TCF12: variants seen among roughly 807,000 people sequenced by gnomAD.
TCF12 encodes DNA-binding protein HTF4.
TCF12 carries 45 observed loss-of-function variants against 86.0 expected under a neutral mutation model. The observed-to-expected ratio is 0.52, with a 90% CI of 0.41 to 0.67. The LOEUF is 0.67. Ranked by LOEUF, TCF12 falls within the 30% of genes least tolerant of loss-of-function variation. The pLI is 0.00. For synonymous variants in TCF12, 330 were observed against 299.6 expected, an observed-to-expected ratio of 1.10 and a Z score of -1.05; for missense variants, 881 against 859.9, an observed-to-expected ratio of 1.02 and a Z score of -0.31.
At chr15:57,152,651 A>C (rs572983906) in intron 5 of TCF12, among the ~76,000 whole-genome samples, 11 of 152,332 alleles carry the variant, frequency 7.2e-5, no homozygotes, top group Middle Eastern at 3.4e-3. Context: ...ATCCAAACTA[A>C]AACACAAAGA....
At chr15:57,113,006 G>A (rs115605428) in intron 5 of TCF12, among the ~76,000 whole-genome samples, 1,760 of 152,234 alleles carry the variant, frequency 0.012, 32 homozygotes, top group African/African-American at 0.04. Flanking sequence ...AGAAGTTATC[G>A]TGGATCTCCT....
At chr15:57,098,683 A>G (rs1369682061) in intron 5 of TCF12, among the ~76,000 whole-genome samples, 1 of 152,222 alleles carries the variant, frequency 6.6e-6, no homozygotes, top group Non-Finnish European at 1.5e-5. Flanking sequence ...GTGATCAGGA[A>G]AAGTTTTATT....
At position 56,921,066 on chromosome 15, in the gene TCF12, C is replaced by G; in HGVS notation, c.116C>G (p.Thr39Ser). 6.2e-7 allele frequency: 1 copy of G among 1,608,858 alleles called. No individual in the cohort carries two copies. The highest frequency in any genetic ancestry group is 8.5e-7 in the Non-Finnish European group (1 of 1,177,152). The change falls in exon 3 of 21, where the codon ACT becomes AGT. Residue 39 changes from threonine (T) to serine (S), a missense_variant. Coordinates refer to ENST00000333725, the MANE Select transcript of TCF12 (RefSeq NM_207037.2). Reference sequence around the variant, plus strand: ...GTTAATAGTGGGAAAACTAGACCAACTACACTGGGAAGCAGTCAATTCAGT... The same window carrying G: ...GTTAATAGTGGGAAAACTAGACCAAGTACACTGGGAAGCAGTCAATTCAGT... ...PPVNSGKTRPTTLGSSQFSGS... is the reference protein window; with the variant it reads ...PPVNSGKTRPSTLGSSQFSGS...
intron 5 of TCF12, among the ~76,000 whole-genome samples, chr15:57,100,577 AT>A (rs1448658444): frequency 6.6e-6 from 1 of 152,066 alleles, no homozygotes. Context: ...CTAACTTCTT[AT>A]AGTAAAGATG....
intron 8 of TCF12, among the ~76,000 whole-genome samples, chr15:57,212,090 C>T (rs2058135169): frequency 6.6e-6 from 1 of 152,050 alleles, no homozygotes; most frequent in Non-Finnish European, 1.5e-5. Context: ...CAACAAGATT[C>T]AAAATACATC....
At chr15:57,177,192 GTTGTT>G (rs1269714659) in intron 6 of TCF12, among the ~76,000 whole-genome samples, 1 of 152,078 alleles carries the variant, frequency 6.6e-6, no homozygotes, top group African/African-American at 2.4e-5. Flanking sequence ...CATTTTGTGG[GTTGTT>G]TGGAACATAG....
Position 57,179,557 on chromosome 15 carries a change from T to G in TCF12, c.391-12601T>G, listed in dbSNP as rs927687053. Among the ~76,000 whole-genome samples, 4 of 152,250 alleles carry G rather than the reference T, an allele frequency of 2.6e-5. No individual in the cohort carries two copies. In the South Asian group the frequency reaches 8.3e-4, roughly 32 times the overall value. ...AAGAAATTTTTTTTTTTTTAAAGAT[T>G]GGGCTGATTTCGTTGGCAGGATACA... On this transcript the variant is annotated intron_variant, in intron 6 of 20. Transcript: ENST00000333725.
At chr15:57,091,161 T>C (rs1194921748) in intron 4 of TCF12, among the ~76,000 whole-genome samples, 1 of 152,214 alleles carries the variant, frequency 6.6e-6, no homozygotes, top group Non-Finnish European at 1.5e-5. Context: ...TCAGTTTCTG[T>C]AGGAGTATAT....
intron 3 of TCF12, among the ~76,000 whole-genome samples, chr15:56,946,727 T>A (rs1270468039): frequency 6.6e-6 from 1 of 152,036 alleles, no homozygotes; most frequent in African/African-American, 2.4e-5. Flanking sequence ...TGGCAGGAAA[T>A]TAAGTTATTA....
chr15:57,270,376 C>T (rs529933629), intron 18 of TCF12, among the ~76,000 whole-genome samples: 3 of 152,262 alleles, frequency 2.0e-5, no homozygotes, highest in East Asian at 1.9e-4. Flanking sequence ...GTATGCTTCA[C>T]GAAGTTGTCG....
At chr15:56,931,287 C>T (rs1433297544) in intron 3 of TCF12, among the ~76,000 whole-genome samples, 1 of 152,074 alleles carries the variant, frequency 6.6e-6, no homozygotes, top group Non-Finnish European at 1.5e-5. Context: ...GAATCAAGAT[C>T]TGTTTTGAGG....
chr15:57,211,770 A>G (rs1167686326), intron 8 of TCF12, among the ~76,000 whole-genome samples: 1 of 152,220 alleles, frequency 6.6e-6, no homozygotes, highest in Non-Finnish European at 1.5e-5. Flanking sequence ...CCTGGCCAAC[A>G]TGGCGAAACC....
intron 6 of TCF12, among the ~76,000 whole-genome samples, chr15:57,184,714 C>T (rs533338587): frequency 7.4e-4 from 112 of 152,086 alleles, no homozygotes; most frequent in African/African-American, 2.5e-3. Flanking sequence ...CTGATCTTGC[C>T]ATTTAAGCAA....
At chr15:57,002,985 A>G (rs2064140025) in intron 3 of TCF12, among the ~76,000 whole-genome samples, 1 of 152,230 alleles carries the variant, frequency 6.6e-6, no homozygotes, top group African/African-American at 2.4e-5. Context: ...CATCTTTCAT[A>G]GTATGCCACT....
In TCF12 at chr15:57,262,184, C is replaced by G. The variant is rs2060620237; in HGVS notation, c.1558C>G (p.His520Asp). 1 of 1,611,748 alleles carries G rather than the reference C, an allele frequency of 6.2e-7. No homozygotes were observed. The highest frequency in any genetic ancestry group is 8.5e-7 in the Non-Finnish European group (1 of 1,178,446). The change falls in exon 17 of 21, where the codon CAT (histidine) becomes GAT (aspartate). Residue 520 changes from histidine to aspartate, a missense_variant. By Grantham distance (81) the His-to-Asp change is moderately conservative (BLOSUM62 -1). Around this residue, in one of 3 missense-constraint regions of TCF12, gnomAD observed 766 missense variants for 718.9 expected, o/e 1.07. Coordinates refer to ENST00000333725, the MANE Select transcript of TCF12 (RefSeq NM_207037.2). The part of the protein sequence containing the change: ...TVTTSSTDLN[H>D]KTQENYRGGL... ...CACTACTTCAAGCACAGACCTGAAC[C>G]ATAAAACACAAGAAAATTATAGAGG... is the stretch of plus-strand genomic sequence containing the variant.
intron 8 of TCF12, among the ~76,000 whole-genome samples, chr15:57,206,988 A>AGTAC (rs2057854974): frequency 3.3e-5 from 5 of 151,756 alleles, no homozygotes; most frequent in African/African-American, 4.8e-5. Flanking sequence ...TGCCTGTAGT[A>AGTAC]CTAGGTACTC....
chr15:57,186,445 GC>G (rs1316669311), intron 6 of TCF12, among the ~76,000 whole-genome samples: 1 of 152,152 alleles, frequency 6.6e-6, no homozygotes, highest in African/African-American at 2.4e-5. Context: ...GCTGCAGTGA[GC>G]CATCATTGAG....
At chr15:57,182,291 A>G (rs1437344744) in intron 6 of TCF12, among the ~76,000 whole-genome samples, 2 of 152,152 alleles carry the variant, frequency 1.3e-5, no homozygotes, top group Non-Finnish European at 2.9e-5. Context: ...ATGTTTGAAG[A>G]ATCAAATAAA....
chr15:56,983,407 ATAAT>A lies in TCF12; in HGVS notation c.148+62312_148+62315del, dbSNP rs1202976895. On this transcript the variant is annotated intron_variant, in intron 3 of 20. Coordinates refer to ENST00000333725, the MANE Select transcript of TCF12 (RefSeq NM_207037.2). ...TTTGCAAGAAAGCTGTAGAGGGAAA[ATAAT>A]TATATAAACCTGTTTTTTAAAATAC... 2.6e-5 allele frequency among the ~76,000 whole-genome samples: 4 copies of A among 152,192 alleles called. No homozygotes were observed. The South Asian group carries it at 8.3e-4, about 32-fold the overall frequency.
Sources: gnomAD v4.1 joint callset for allele counts (sites outside exome capture counted in the v4.1 genomes callset) on GRCh38, gnomAD v4.1.1 for gene constraint, gnomAD v4.1.1 regional missense constraint, MANE v1.5 for transcripts, NCBI Gene and HGNC (gene_info 2026-07-23, HGNC 2026-07-21) for gene names.